KCNQ1: variants seen among roughly 807,000 people sequenced by gnomAD.
KCNQ1 encodes the protein potassium voltage-gated channel subfamily KQT member 1.
In KCNQ1, 49 loss-of-function variants were observed where a neutral mutation model predicts 72.4. That is an observed-to-expected ratio of 0.68 (90% confidence interval 0.54 to 0.86). The LOEUF (loss-of-function observed/expected upper bound fraction) is 0.86, where lower values mean the gene tolerates loss of function less well. Among genes scored for constraint, KCNQ1 ranks in the 40% least tolerant of loss-of-function variants. KCNQ1 has a pLI of 0.00. For synonymous variants in KCNQ1, 450 were observed against 412.6 expected (o/e 1.09, Z -1.10); for missense variants, 790 against 945.1 (o/e 0.84, Z 2.15).
Position 2,785,099 on chromosome 11 carries a change from T to C in KCNQ1, c.1794+7062T>C, listed in dbSNP as rs234872. Among the ~76,000 whole-genome samples the C allele has an allele frequency of 0.48, 72,426 of 151,844 alleles. 17,672 individuals carry two copies. Among genetic ancestry groups the C allele is most frequent in the Middle Eastern group, 0.59 (172 of 292 alleles). On this transcript the variant is annotated intron_variant, in intron 15 of 15. Coordinates refer to ENST00000155840, the MANE Select transcript of KCNQ1 (RefSeq NM_000218.3). The surrounding 1 kb of genome is among the most constrained non-coding windows in gnomAD (Gnocchi z 4.4). ...AGAGCAGATCTTCTGGGGAAAATCA[T>C]TCAATCAATTTCCATTAGCTCTGAG...
chr11:2,456,956 A>AACC (rs1554882140), intron 1 of KCNQ1, among the ~76,000 whole-genome samples: 1 of 106,280 alleles, frequency 9.4e-6, no homozygotes, highest in African/African-American at 4.9e-5. Flanking sequence ...AAAAAAAAAA[A>AACC]AAAAAAAAAC....
chr11:2,467,696 G>A (rs557421940), intron 1 of KCNQ1, among the ~76,000 whole-genome samples: 3 of 152,320 alleles, frequency 2.0e-5, no homozygotes, highest in East Asian at 1.9e-4. Flanking sequence ...TGCCCCCCAC[G>A]TCAATGCCTG....
chr11:2,448,070 G>A lies in KCNQ1; in HGVS notation c.386+2586G>A, dbSNP rs559662084. Among the ~76,000 whole-genome samples the A allele has an allele frequency of 2.6e-5, 4 of 152,356 alleles. No individual in the cohort carries two copies. In the East Asian group the frequency reaches 7.7e-4, roughly 29 times the overall value. The stretch of plus-strand genomic sequence containing the variant: ...TGTGGTTGCTTGCGCCCCCACTGGG[G>A]GCAGCTCCCATCTTAGCTGAGGGGA... On this transcript the variant is annotated intron_variant, in intron 1 of 15. Coordinates refer to ENST00000155840, the MANE Select transcript of KCNQ1 (RefSeq NM_000218.3).
rs1846430809 is a variant in KCNQ1, at chr11:2,762,934, A to C, written c.1515-5910A>C. Among the ~76,000 whole-genome samples, 1 of 152,040 alleles carries C rather than the reference A, an allele frequency of 6.6e-6. No individual in the cohort carries two copies. The highest frequency in any genetic ancestry group is 1.5e-5 in the Non-Finnish European group (1 of 68,016). Reference sequence around the variant, plus strand: ...TCTGTCTGCCCACACGCTCTTAATCAAGCCCTGTGGCCTCATGAAACCCTA... The same window carrying C: ...TCTGTCTGCCCACACGCTCTTAATCCAGCCCTGTGGCCTCATGAAACCCTA... On this transcript the variant is annotated intron_variant, in intron 11 of 15. Transcript: ENST00000155840. The surrounding 1 kb of genome is among the most constrained non-coding windows in gnomAD (Gnocchi z 4.3).
At position 2,643,277 on chromosome 11, in the gene KCNQ1, A is replaced by G. The variant is rs951443365; in HGVS notation, c.1394-18684A>G. The G allele has an allele frequency of 3.0e-5, 12 of 398,206 alleles. No individual in the cohort carries two copies. The Admixed American group carries it at 4.8e-4, about 16-fold the overall frequency. 24.7% of individuals were successfully genotyped at this position (398,206 alleles called of 1,614,324 possible). ...ATGGAGAATTGAAGTTCCCAAGATT[A>G]TTGTGTTGAAGTCTACCTTTCCCTT... On this transcript the variant is annotated intron_variant, in intron 10 of 15. Coordinates refer to ENST00000155840, the MANE Select transcript of KCNQ1 (RefSeq NM_000218.3).
rs977632181 is a variant in KCNQ1 at position 2,562,082 on chromosome 11, C to A, written c.478-8546C>A. ...CCCCAGCAGTAAGGCCAGGACAGGG[C>A]AGCCGGACCCCGACTGTGCCACCCT... On this transcript the variant is annotated intron_variant, in intron 2 of 15. Coordinates refer to ENST00000155840, the MANE Select transcript of KCNQ1 (RefSeq NM_000218.3). The surrounding 1 kb of genome is among the most constrained non-coding windows in gnomAD (Gnocchi z 7.5). Among the ~76,000 whole-genome samples the A allele has an allele frequency of 6.6e-6, 1 of 152,114 alleles. No individual in the cohort carries two copies. Among genetic ancestry groups the A allele is most frequent in the Non-Finnish European group, 1.5e-5 (1 of 68,004 alleles).
intron 11 of KCNQ1, chr11:2,700,004 C>A: frequency 2.5e-6 from 1 of 398,260 alleles, no homozygotes; most frequent in Non-Finnish European, 4.4e-6. Flanking sequence ...TGCCTGGAGA[C>A]TGCGGCAGCG....
At chr11:2,466,532 A>AGTG (rs1462045419) in intron 1 of KCNQ1, among the ~76,000 whole-genome samples, 2 of 151,634 alleles carry the variant, frequency 1.3e-5, no homozygotes, top group African/African-American at 4.9e-5. Context: ...CCTGTCGTGG[A>AGTG]GTGGGGTTCA....
rs1850176779 is a variant in KCNQ1, at chr11:2,671,143, GC to G, written c.1514+9064del. ...TCAGGCCTGGTTGGTCCCATGGGAG[GC>G]CTGAGGTGCCATCTTAGAAATAGGG... On this transcript the variant is annotated intron_variant, in intron 11 of 15. Coordinates refer to ENST00000155840, the MANE Select transcript of KCNQ1 (RefSeq NM_000218.3). The surrounding 1 kb of genome is among the most constrained non-coding windows in gnomAD (Gnocchi z 4.7). The G allele has an allele frequency of 2.5e-6, 1 of 398,544 alleles. No homozygotes were observed. Among genetic ancestry groups the G allele is most frequent in the African/African-American group, 2.1e-5 (1 of 48,602 alleles). The allele number at this position is 398,544 out of a possible 1,614,324, so 24.7% of individuals were successfully genotyped here. A position where few individuals can be genotyped will look rare whatever the true frequency, so the allele number is the denominator to read the frequency against.
At chr11:2,719,365 G>C (rs906706282) in intron 11 of KCNQ1, among the ~76,000 whole-genome samples, 1 of 151,472 alleles carries the variant, frequency 6.6e-6, no homozygotes, top group Admixed American at 6.6e-5. Flanking sequence ...ACAAGGTGGT[G>C]CGTGCCTGTG....
rs891666371 is a variant in KCNQ1 at position 2,659,140 on chromosome 11, C to T, written c.1394-2821C>T. ...TTAAATTTGCATACAGTAAAATCCA[C>T]TCTTTGAGATTCAGTTCTGTGGGTT... On this transcript the variant is annotated intron_variant, in intron 10 of 15. Coordinates refer to ENST00000155840, the MANE Select transcript of KCNQ1 (RefSeq NM_000218.3). This position sits in a 1 kb window ranked among gnomAD's most constrained non-coding sequence, Gnocchi z 4.3. 1 of 398,598 alleles carries T rather than the reference C, an allele frequency of 2.5e-6. No homozygotes were observed. The highest frequency in any genetic ancestry group is 4.4e-6 in the Non-Finnish European group (1 of 226,048). The allele number at this position is 398,598 out of a possible 1,614,324, so 24.7% of individuals were successfully genotyped here.
At position 2,624,346 on chromosome 11, in the gene KCNQ1, A is replaced by G. The variant is rs1306775052; in HGVS notation, c.1393+35492A>G. 2.5e-6 allele frequency: 1 copy of G among 398,484 alleles called. No homozygotes were observed. The highest frequency in any genetic ancestry group is 2.1e-5 in the African/African-American group (1 of 48,726). 24.7% of individuals were successfully genotyped at this position (398,484 alleles called of 1,614,324 possible). On this transcript the variant is annotated intron_variant, in intron 10 of 15. Transcript: ENST00000155840. The surrounding 1 kb of genome is among the most constrained non-coding windows in gnomAD (Gnocchi z 4.9). ...TTTATCAGGTATATCTTTTACAAGTATTGTCTCCCTTCTGTGGCCTGTCCT... is the reference window on the plus strand; with the variant it reads ...TTTATCAGGTATATCTTTTACAAGTGTTGTCTCCCTTCTGTGGCCTGTCCT...
At position 2,471,693 on chromosome 11, in the gene KCNQ1, CATGTGTGTATAG is replaced by C; in HGVS notation, c.386+26210_386+26221del. 6.8e-6 allele frequency among the ~76,000 whole-genome samples: 1 copy of C among 147,548 alleles called. No individual in the cohort carries two copies. The highest frequency in any genetic ancestry group is 2.5e-5 in the African/African-American group (1 of 39,480). ...GGGTGTGCACATGTGTATGGGTGTG[CATGTGTGTATAG>C]GTGTGTGTATGTGTGCATGGGCGTG... On this transcript the variant is annotated intron_variant, in intron 1 of 15. Coordinates refer to ENST00000155840, the MANE Select transcript of KCNQ1 (RefSeq NM_000218.3). This position sits in a 1 kb window ranked among gnomAD's most constrained non-coding sequence, Gnocchi z 4.8.
At position 2,660,866 on chromosome 11, in the gene KCNQ1, A is replaced by G. The variant is rs1200099964; in HGVS notation, c.1394-1095A>G. The G allele has an allele frequency of 1.3e-5, 5 of 398,548 alleles. No homozygotes were observed. In the South Asian group the frequency reaches 6.4e-4, roughly 51 times the overall value. 24.7% of individuals were successfully genotyped at this position (398,548 alleles called of 1,614,324 possible). ...CTCCAGTATGTCAGCTTTTAAGAATAAAGATGAATATGGCATCATAGTCTG... is the reference window on the plus strand; with the variant it reads ...CTCCAGTATGTCAGCTTTTAAGAATGAAGATGAATATGGCATCATAGTCTG... On this transcript the variant is annotated intron_variant, in intron 10 of 15. Coordinates refer to ENST00000155840, the MANE Select transcript of KCNQ1 (RefSeq NM_000218.3).
intron 11 of KCNQ1, among the ~76,000 whole-genome samples, chr11:2,755,454 T>C (rs1362081787): frequency 6.6e-6 from 1 of 152,228 alleles, no homozygotes; most frequent in East Asian, 1.9e-4. Context: ...AGTCTCTCTA[T>C]GTTGCCTAAA....
In KCNQ1 at chr11:2,595,467, C is replaced by T. The variant is rs147964510; in HGVS notation, c.1393+6613C>T. ...TTGCTCAAGTTGAAGCCAGTACTCA[C>T]GTACCATTTCAACAATCCTAGGGCC... On this transcript the variant is annotated intron_variant, in intron 10 of 15. Transcript: ENST00000155840. This position sits in a 1 kb window ranked among gnomAD's most constrained non-coding sequence, Gnocchi z 5.0. 8.5e-4 allele frequency among the ~76,000 whole-genome samples: 129 copies of T among 152,276 alleles called. No individual in the cohort carries two copies. Among genetic ancestry groups the T allele is most frequent in the Middle Eastern group, 3.4e-3 (1 of 294 alleles).
chr11:2,700,653 T>C (rs1163670371), intron 11 of KCNQ1, among the ~76,000 whole-genome samples: 2 of 152,118 alleles, frequency 1.3e-5, no homozygotes, highest in East Asian at 1.9e-4. Flanking sequence ...CCCTGAGGAC[T>C]TGGGACCTCA....
chr11:2,523,828 C>A (rs1401996574), intron 1 of KCNQ1, among the ~76,000 whole-genome samples: 1 of 141,236 alleles, frequency 7.1e-6, no homozygotes, highest in African/African-American at 2.6e-5. Flanking sequence ...AGACCTGGGT[C>A]CTGCCCATGG....
At chr11:2,728,151 G>A (rs1247258570) in intron 11 of KCNQ1, among the ~76,000 whole-genome samples, 1 of 152,036 alleles carries the variant, frequency 6.6e-6, no homozygotes, top group Non-Finnish European at 1.5e-5. Context: ...ACTTCCGATG[G>A]TTCTGTCCTC....
Sources: allele counts gnomAD v4.1 joint callset (sites outside exome capture counted in the v4.1 genomes callset), GRCh38; gene constraint gnomAD v4.1.1; non-coding constraint Gnocchi (gnomAD v3.1); transcripts MANE v1.5; gene names NCBI Gene and HGNC (gene_info 2026-07-23, HGNC 2026-07-21).